PRKG1: variants seen among roughly 807,000 people sequenced by gnomAD.
PRKG1 encodes the protein protein kinase cGMP-dependent 1.
In PRKG1, 35 loss-of-function variants were observed where a neutral mutation model predicts 88.1. The observed-to-expected ratio is 0.40, with a 90% CI of 0.30 to 0.53. The LOEUF is 0.53. PRKG1 is among the 20% of genes least tolerant of loss of function. The pLI, the probability that PRKG1 is intolerant of heterozygous loss-of-function variation, is 0.59. For synonymous variants in PRKG1, 303 were observed against 292.5 expected, an observed-to-expected ratio of 1.04 and a Z score of -0.37; for missense variants, 540 against 839.8, an observed-to-expected ratio of 0.64 and a Z score of 4.41.
chr10:51,890,263 C>T (rs4601716), intron 4 of PRKG1, among the ~76,000 whole-genome samples: 109,906 of 152,128 alleles, frequency 0.72, 39,875 homozygotes, highest in African/African-American at 0.77. Flanking sequence ...CTTACCTTCA[C>T]ATTAATCTGT....
At chr10:51,165,984 G>GTT (rs796123661) in intron 2 of PRKG1, among the ~76,000 whole-genome samples, 36 of 145,744 alleles carry the variant, frequency 2.5e-4, no homozygotes, top group African/African-American at 8.3e-4. Context: ...CACCAAATAA[G>GTT]TTTTTTTTTT....
intron 2 of PRKG1, among the ~76,000 whole-genome samples, chr10:51,214,664 G>T (rs1040439573): frequency 6.6e-6 from 1 of 151,674 alleles, no homozygotes; most frequent in Non-Finnish European, 1.5e-5. Context: ...ATTTTGTAGA[G>T]ACGGTGTCTC....
chr10:51,425,660 A>G (rs904208894), intron 2 of PRKG1, among the ~76,000 whole-genome samples: 3 of 152,142 alleles, frequency 2.0e-5, no homozygotes, highest in Non-Finnish European at 4.4e-5. Flanking sequence ...AATGATCAGA[A>G]TCAGGCCTTG....
chr10:51,769,039 G>T (rs1838239976), intron 3 of PRKG1, among the ~76,000 whole-genome samples: 1 of 152,160 alleles, frequency 6.6e-6, no homozygotes, highest in South Asian at 2.1e-4. Flanking sequence ...TGTCCTTGAA[G>T]AGCTTTCACA....
intron 3 of PRKG1, among the ~76,000 whole-genome samples, chr10:51,585,925 G>A (rs1838160137): frequency 6.6e-6 from 1 of 151,948 alleles, no homozygotes; most frequent in Non-Finnish European, 1.5e-5. Flanking sequence ...CATGATAAAC[G>A]GGTACACATG....
At chr10:51,570,067 A>ATATATATATATGTGTGTG in intron 3 of PRKG1, among the ~76,000 whole-genome samples, 1 of 113,114 alleles carries the variant, frequency 8.8e-6, no homozygotes, top group African/African-American at 3.6e-5. Flanking sequence ...ATATATATAT[A>ATATATATATATGTGTGTG]TGTGTGTGTG....
At chr10:51,421,407 G>T (rs2132707589) in intron 2 of PRKG1, among the ~76,000 whole-genome samples, 1 of 152,246 alleles carries the variant, frequency 6.6e-6, no homozygotes, top group East Asian at 1.9e-4. Flanking sequence ...TCAAACACCT[G>T]GCCTCAAGTG....
At chr10:51,973,240 C>T (rs1269415719) in intron 5 of PRKG1, among the ~76,000 whole-genome samples, 2 of 152,168 alleles carry the variant, frequency 1.3e-5, no homozygotes, top group Non-Finnish European at 2.9e-5. Flanking sequence ...TGATCTGCCT[C>T]ACATTCCAGC....
chr10:51,074,742 C>G lies in PRKG1; in HGVS notation c.152C>G (p.Ser51Trp), dbSNP rs752677774. The G allele has an allele frequency of 1.9e-6, 3 of 1,614,020 alleles. No individual in the cohort carries two copies. The highest frequency in any genetic ancestry group is 2.2e-5 in the East Asian group (1 of 44,862). ...CAGAACGAGCTGGACAAGTACCGCT[C>G]GGTGATCCGACCAGCCACCCAGCAG... is the stretch of plus-strand genomic sequence containing the variant. ...KLQNELDKYR[S>W]VIRPATQQAQ... Residue 51 changes from serine to tryptophan, a missense_variant, in exon 1 of 18, where the codon TCG becomes TGG. Around this residue, in one of 5 missense-constraint regions of PRKG1, gnomAD observed 400 missense variants for 562.7 expected, o/e 0.71. Transcript: ENST00000373980.
intron 3 of PRKG1, among the ~76,000 whole-genome samples, chr10:51,741,104 T>G (rs1837422163): frequency 6.6e-6 from 1 of 151,868 alleles, no homozygotes; most frequent in Non-Finnish European, 1.5e-5. Context: ...AAACTTAATG[T>G]TGGGAAACAA....
intron 3 of PRKG1, among the ~76,000 whole-genome samples, chr10:51,557,346 C>T (rs192760078): frequency 1.2e-5 from 1 of 86,322 alleles, no homozygotes; most frequent in African/African-American, 2.8e-5. Flanking sequence ...TACACCACCA[C>T]CCCCCCACCA....
chr10:51,059,769 G>T (rs968092616), intron 1 of PRKG1, among the ~76,000 whole-genome samples: 1 of 152,026 alleles, frequency 6.6e-6, no homozygotes, highest in Non-Finnish European at 1.5e-5. Flanking sequence ...CTATGCACTA[G>T]AAAATTATGT....
chr10:52,181,190 G>A (rs1437250234), intron 9 of PRKG1, among the ~76,000 whole-genome samples: 2 of 152,060 alleles, frequency 1.3e-5, no homozygotes, highest in Admixed American at 1.3e-4. Context: ...GTCCAGGAAT[G>A]TGTCTATAAG....
chr10:51,093,974 G>T (rs943763738), intron 1 of PRKG1, among the ~76,000 whole-genome samples: 1 of 151,352 alleles, frequency 6.6e-6, no homozygotes, highest in South Asian at 2.1e-4. Context: ...TTTCCTTGTG[G>T]TTGTTTGTCC....
intron 2 of PRKG1, among the ~76,000 whole-genome samples, chr10:51,381,968 T>C (rs144337353): frequency 3.0e-4 from 46 of 152,320 alleles, no homozygotes; most frequent in Non-Finnish European, 5.4e-4. Flanking sequence ...ATAAAGCATA[T>C]GGTCAGGGAT....
At chr10:51,768,502 G>A (rs16922816) in intron 3 of PRKG1, among the ~76,000 whole-genome samples, 7,206 of 152,196 alleles carry the variant, frequency 0.047, 551 homozygotes, top group African/African-American at 0.16. Context: ...CACATTGCAA[G>A]TACCTAAATT....
intron 3 of PRKG1, among the ~76,000 whole-genome samples, chr10:51,536,656 T>C (rs529760111): frequency 5.9e-5 from 9 of 152,166 alleles, no homozygotes; most frequent in Non-Finnish European, 7.4e-5. Flanking sequence ...TTTTTTTTAT[T>C]ATTATTATTA....
At chr10:51,477,027 T>C (rs1301901421) in intron 3 of PRKG1, among the ~76,000 whole-genome samples, 1 of 151,946 alleles carries the variant, frequency 6.6e-6, no homozygotes, top group Non-Finnish European at 1.5e-5. Context: ...GAAACTTCCT[T>C]AAGGTCACAC....
chr10:51,779,783 G>A (rs977628501), intron 3 of PRKG1, among the ~76,000 whole-genome samples: 2 of 152,084 alleles, frequency 1.3e-5, no homozygotes, highest in African/African-American at 4.8e-5. Flanking sequence ...TTTAAGGAGC[G>A]ACTGGTGACA....
Sources: allele counts gnomAD v4.1 joint callset (sites outside exome capture counted in the v4.1 genomes callset), GRCh38; gene constraint gnomAD v4.1.1; regional missense constraint gnomAD v4.1.1; transcripts MANE v1.5; gene names NCBI Gene and HGNC (gene_info 2026-07-23, HGNC 2026-07-21).